C1QTNF1: variants seen among roughly 807,000 people sequenced by gnomAD.
C1QTNF1 encodes complement C1q tumor necrosis factor-related protein 1.
C1QTNF1 carries 22 observed loss-of-function variants against 27.8 expected under a neutral mutation model. That is an observed-to-expected ratio of 0.79 (90% CI 0.56 to 1.13). The LOEUF (loss-of-function observed/expected upper bound fraction) is 1.13, where lower values mean the gene tolerates loss of function less well. C1QTNF1 is among the 50% of genes most tolerant of loss of function. The probability of loss-of-function intolerance (pLI) is 0.00; values close to 1 mark genes in which losing one functional copy is unlikely to be tolerated. For missense variants in C1QTNF1, 373 were observed against 380.2 expected, an observed-to-expected ratio of 0.98 and a Z score of 0.16; for synonymous variants, 166 against 154.3, an observed-to-expected ratio of 1.08 and a Z score of -0.56.
At chr17:79,033,011 C>T (rs566719622) in intron 1 of C1QTNF1, among the ~76,000 whole-genome samples, 121 of 147,754 alleles carry the variant, frequency 8.2e-4, no homozygotes, top group African/African-American at 3.0e-3. Flanking sequence ...GAGGTTGCAG[C>T]GAGCCAAGAT....
chr17:79,038,597 C>G (rs2072321882), intron 1 of C1QTNF1, among the ~76,000 whole-genome samples: 1 of 152,212 alleles, frequency 6.6e-6, no homozygotes, highest in Non-Finnish European at 1.5e-5. Flanking sequence ...CTTCAGTTGC[C>G]TTGCCTGCGA....
intron 1 of C1QTNF1, chr17:79,043,475 T>C (rs1048455232): frequency 8.8e-6 from 4 of 452,548 alleles, no homozygotes; most frequent in East Asian, 7.0e-5. Flanking sequence ...AGTGTGCATA[T>C]GGGTGCGTGG....
chr17:79,035,821 G>C (rs2072252348), intron 1 of C1QTNF1, among the ~76,000 whole-genome samples: 1 of 152,188 alleles, frequency 6.6e-6, no homozygotes, highest in South Asian at 2.1e-4. Context: ...TAAACTGGGG[G>C]CGGGGGCAAT....
rs372868286 is a variant in C1QTNF1, at chr17:79,043,614, T to C, written c.-14-341T>C. ...GTGTGTGGATTGCATGTGTGTTGGG[T>C]GCATGTGAATGTGTGGGTTGCATGT... is the stretch of plus-strand genomic sequence containing the variant. On this transcript the variant is annotated intron_variant, in intron 1 of 3. Coordinates refer to ENST00000579760, the MANE Select transcript of C1QTNF1 (RefSeq NM_030968.5). 151 of 466,152 alleles carry C rather than the reference T, an allele frequency of 3.2e-4. 3 individuals carry two copies. The East Asian group carries it at 8.3e-3, about 25-fold the overall frequency. The allele number at this position is 466,152 out of a possible 1,614,324, so 28.9% of individuals were successfully genotyped here.
At chr17:79,043,310 T>C (rs1417577741) in intron 1 of C1QTNF1, 10 of 453,592 alleles carry the variant, frequency 2.2e-5, no homozygotes, top group African/African-American at 2.0e-4. Flanking sequence ...TGTGTGCATG[T>C]GAGTTGTGCA....
At chr17:79,023,367 C>A (rs921038517), upstream of C1QTNF1, among the ~76,000 whole-genome samples, 1 of 152,190 alleles carries the variant, frequency 6.6e-6, no homozygotes, top group African/African-American at 2.4e-5. Context: ...GCTGGGCTGA[C>A]GCAGAGTCTA....
At chr17:79,027,951 C>T (rs927489967) in intron 1 of C1QTNF1, among the ~76,000 whole-genome samples, 2 of 152,230 alleles carry the variant, frequency 1.3e-5, no homozygotes, top group Admixed American at 1.3e-4. Context: ...CTGAGGCCCC[C>T]TGGATCTAAG....
rs770053807 is a variant in C1QTNF1 at position 79,046,703 on chromosome 17, G to T, written c.295+9G>T. ...CATCACTATCTTGAAAGGTCAGATG[G>T]CTGCAAAGACAAGCACGGGGTGGCC... On this transcript the variant is annotated intron_variant, in intron 3 of 3. Coordinates refer to ENST00000579760, the MANE Select transcript of C1QTNF1 (RefSeq NM_030968.5). This position sits in a 1 kb window ranked among gnomAD's most constrained non-coding sequence, Gnocchi z 4.8. 1.9e-6 allele frequency: 3 copies of T among 1,614,072 alleles called. No homozygotes were observed. Among genetic ancestry groups the T allele is most frequent in the South Asian group, 2.2e-5 (2 of 91,086 alleles).
chr17:79,033,906 G>A (rs982695260), intron 1 of C1QTNF1, among the ~76,000 whole-genome samples: 2 of 152,176 alleles, frequency 1.3e-5, no homozygotes, highest in Non-Finnish European at 2.9e-5. Flanking sequence ...ATGCAGAAGG[G>A]TGTTGGGTGC....
intron 1 of C1QTNF1, among the ~76,000 whole-genome samples, chr17:79,037,146 T>G (rs1388499836): frequency 1.3e-5 from 2 of 152,194 alleles, no homozygotes; most frequent in African/African-American, 4.8e-5. Flanking sequence ...TTTTTGTTTT[T>G]TTGAGATGGA....
chr17:79,047,740 C>G lies in C1QTNF1; in HGVS notation c.498C>G (p.Ile166Met). ...GCAACCACTACTACCAGACGGTGAT[C>G]TTCGACACGGAGTTCGTGAACCTCT... ...MHSNHYYQTVIFDTEFVNLYD... is the reference protein window; with the variant it reads ...MHSNHYYQTVMFDTEFVNLYD... Residue 166 changes from isoleucine (I) to methionine (M), a missense_variant, in exon 4 of 4, where the codon ATC (isoleucine) becomes ATG (methionine). Coordinates refer to ENST00000579760, the MANE Select transcript of C1QTNF1 (RefSeq NM_030968.5). 1 of 1,614,202 alleles carries G rather than the reference C, an allele frequency of 6.2e-7. No homozygotes were observed.
intron 1 of C1QTNF1, among the ~76,000 whole-genome samples, chr17:79,033,116 T>C (rs2072180264): frequency 6.7e-6 from 1 of 150,264 alleles, no homozygotes; most frequent in Non-Finnish European, 1.5e-5. Flanking sequence ...AGAGGAGGTG[T>C]TCAGCAGATG....
At chr17:79,023,112 G>A, upstream of C1QTNF1, 1 of 152,284 alleles carries the variant, frequency 6.6e-6, no homozygotes, top group Non-Finnish European at 1.5e-5. Context: ...GTTTTGCTCT[G>A]AATGTCCCAA....
chr17:79,033,762 C>G (rs1000263656), intron 1 of C1QTNF1, among the ~76,000 whole-genome samples: 7 of 152,072 alleles, frequency 4.6e-5, no homozygotes, highest in Non-Finnish European at 8.8e-5. Context: ...AGCTGAGGAA[C>G]AGCCTGGGAG....
intron 2 of C1QTNF1, among the ~76,000 whole-genome samples, chr17:79,044,848 C>G (rs1450117770): frequency 6.6e-6 from 1 of 152,192 alleles, no homozygotes; most frequent in African/African-American, 2.4e-5. Context: ...AGGCTTCAGA[C>G]TAACTTCAGT....
Position 79,035,941 on chromosome 17 carries a change from G to A in C1QTNF1, c.-14-8014G>A, listed in dbSNP as rs936701688. Among the ~76,000 whole-genome samples the A allele has an allele frequency of 2.6e-5, 4 of 152,220 alleles. No homozygotes were observed. The East Asian group carries it at 7.7e-4, about 29-fold the overall frequency. On this transcript the variant is annotated intron_variant, in intron 1 of 3. Transcript: ENST00000579760. ...TGATACAGGCACAGGGCAGGAGGGAGAGTTGACCTTTAGGATCTATTCAAG... is the reference window on the plus strand; with the variant it reads ...TGATACAGGCACAGGGCAGGAGGGAAAGTTGACCTTTAGGATCTATTCAAG...
chr17:79,037,695 G>A (rs1431694910), intron 1 of C1QTNF1, among the ~76,000 whole-genome samples: 1 of 152,076 alleles, frequency 6.6e-6, no homozygotes, highest in Non-Finnish European at 1.5e-5. Context: ...TTACCACAGG[G>A]TCTCACTCTG....
intron 1 of C1QTNF1, among the ~76,000 whole-genome samples, chr17:79,037,789 C>G (rs1307449065): frequency 6.6e-6 from 1 of 152,160 alleles, no homozygotes; most frequent in African/African-American, 2.4e-5. Flanking sequence ...CTACCTCAGT[C>G]TCTTGAGCAG....
intron 2 of C1QTNF1, among the ~76,000 whole-genome samples, chr17:79,045,972 T>G (rs922168605): frequency 6.6e-6 from 1 of 152,104 alleles, no homozygotes; most frequent in Non-Finnish European, 1.5e-5. Context: ...CCCGTGGGTC[T>G]GCGCAGCTCT....
Sources: allele counts gnomAD v4.1 joint callset (sites outside exome capture counted in the v4.1 genomes callset), GRCh38; gene constraint gnomAD v4.1.1; non-coding constraint Gnocchi (gnomAD v3.1); transcripts MANE v1.5; gene names NCBI Gene and HGNC (gene_info 2026-07-23, HGNC 2026-07-21).